Variants in AHCYL2 observed in about 807,000 individuals in gnomAD.
AHCYL2 encodes the protein adenosylhomocysteinase like 2.
A neutral mutation model predicts 81.4 loss-of-function variants in AHCYL2; 28 were observed. The ratio of observed to expected loss-of-function variants is 0.34; its 90% CI spans 0.25 to 0.47. The LOEUF is 0.47. Among genes scored for constraint, AHCYL2 ranks in the 20% least tolerant of loss-of-function variants. The pLI, the probability that AHCYL2 is intolerant of heterozygous loss-of-function variation, is 1.00. For synonymous variants in AHCYL2, 272 were observed against 290.2 expected (o/e 0.94, Z 0.64); for missense variants, 551 against 785.1 (o/e 0.70, Z 3.56).
chr7:129,265,692 A>T (rs1178918806), intron 1 of AHCYL2, among the ~76,000 whole-genome samples: 1 of 152,202 alleles, frequency 6.6e-6, no homozygotes, highest in Non-Finnish European at 1.5e-5. Context: ...TTATGCTTTA[A>T]CTTTTGCTTT....
chr7:129,370,466 G>A (rs35886223), intron 1 of AHCYL2, among the ~76,000 whole-genome samples: 47,323 of 152,092 alleles, frequency 0.31, 7,795 homozygotes, highest in African/African-American at 0.33. Flanking sequence ...GGGGAGGCCA[G>A]GGCGGGCAGA....
At chr7:129,340,327 G>A (rs1793128799) in intron 1 of AHCYL2, among the ~76,000 whole-genome samples, 1 of 150,764 alleles carries the variant, frequency 6.6e-6, no homozygotes, top group African/African-American at 2.4e-5. Context: ...CAGCTCTTTG[G>A]GAGGCCAAGA....
chr7:129,339,268 T>C (rs1372067879), intron 1 of AHCYL2, among the ~76,000 whole-genome samples: 2 of 152,224 alleles, frequency 1.3e-5, no homozygotes, highest in Admixed American at 1.3e-4. Flanking sequence ...AGTGCAATCT[T>C]GGTGCAGTCA....
intron 1 of AHCYL2, among the ~76,000 whole-genome samples, chr7:129,294,179 A>G (rs887111146): frequency 9.9e-5 from 15 of 152,136 alleles, no homozygotes; most frequent in Non-Finnish European, 2.1e-4. Context: ...CCTATGATGA[A>G]TGTTATTTAT....
intron 8 of AHCYL2, chr7:129,405,417 C>T (rs372028925): frequency 1.2e-4 from 44 of 382,476 alleles, no homozygotes; most frequent in African/African-American, 8.5e-4. Flanking sequence ...ATTATATTTT[C>T]AAAATATTAT....
rs549518720 is a variant in AHCYL2, at chr7:129,293,877, T to G, written c.363+68438T>G. On this transcript the variant is annotated intron_variant, in intron 1 of 16. Coordinates refer to ENST00000325006, the MANE Select transcript of AHCYL2 (RefSeq NM_015328.4). ...TTGTATATAGTATTGAGATTAAGAC[T>G]TGGATGTGATTTGTTCCAAACTAAT... Among the ~76,000 whole-genome samples, 4 of 152,310 alleles carry G rather than the reference T, an allele frequency of 2.6e-5. No individual in the cohort carries two copies. In the South Asian group the frequency reaches 8.3e-4, roughly 32 times the overall value.
At position 129,388,437 on chromosome 7, in the gene AHCYL2, C is replaced by G. The variant is rs1584866640; in HGVS notation, c.476-619C>G. On this transcript the variant is annotated intron_variant, in intron 2 of 16. Coordinates refer to ENST00000325006, the MANE Select transcript of AHCYL2 (RefSeq NM_015328.4). ...AGGATTTATTCACTTCTTTGGGAGT[C>G]TAAAATGCCTAACGCCAGACCTACT... Among the ~76,000 whole-genome samples the G allele has an allele frequency of 3.3e-5, 5 of 152,274 alleles. No individual in the cohort carries two copies. The South Asian group carries it at 1.0e-3, about 32-fold the overall frequency.
At chr7:129,379,073 G>A (rs1367760538) in intron 1 of AHCYL2, among the ~76,000 whole-genome samples, 1 of 152,054 alleles carries the variant, frequency 6.6e-6, no homozygotes, top group African/African-American at 2.4e-5. Flanking sequence ...TTGAGGTCAG[G>A]AGTTCGAGAC....
In AHCYL2 at chr7:129,260,667, G is replaced by A. The variant is rs117813947; in HGVS notation, c.363+35228G>A. 4.1e-3 allele frequency among the ~76,000 whole-genome samples: 630 copies of A among 152,152 alleles called. 2 individuals carry two copies. Among genetic ancestry groups the A allele is most frequent in the Non-Finnish European group, 7.6e-3 (514 of 68,010 alleles). On this transcript the variant is annotated intron_variant, in intron 1 of 16. Transcript: ENST00000325006. ...TGTTTCAATTTTCTTCCTTGTTCAG[G>A]TCACTGTACTGTTATTTTATTACCT...
chr7:129,325,308 A>C (rs1269780968), intron 1 of AHCYL2, among the ~76,000 whole-genome samples: 2 of 152,158 alleles, frequency 1.3e-5, no homozygotes, highest in Non-Finnish European at 2.9e-5. Flanking sequence ...ATATTAGGTT[A>C]ACAGGGTTTT....
At chr7:129,252,641 C>T (rs1205831108) in intron 1 of AHCYL2, among the ~76,000 whole-genome samples, 1 of 152,154 alleles carries the variant, frequency 6.6e-6, no homozygotes, top group Non-Finnish European at 1.5e-5. Flanking sequence ...GTGGCACATG[C>T]CTGTAATCCC....
At position 129,423,054 on chromosome 7, in the gene AHCYL2, C is replaced by A. The variant is rs1797189992; in HGVS notation, c.1560+116C>A. 9.5e-6 allele frequency: 7 copies of A among 737,872 alleles called. No individual in the cohort carries two copies. The East Asian group carries it at 1.4e-4, about 15-fold the overall frequency. 45.7% of individuals were successfully genotyped at this position (737,872 alleles called of 1,614,324 possible). A position where few individuals can be genotyped will look rare whatever the true frequency, so the allele number is the denominator to read the frequency against. On this transcript the variant is annotated intron_variant, in intron 13 of 16. Transcript: ENST00000325006. Reference sequence around the variant, plus strand: ...ACTCCTCTGTTAAGCACAAGTTTGACTACTTTCCCAATGGATTTTACTTCT... The same window carrying A: ...ACTCCTCTGTTAAGCACAAGTTTGAATACTTTCCCAATGGATTTTACTTCT...
chr7:129,314,040 T>C (rs1411322373), intron 1 of AHCYL2, among the ~76,000 whole-genome samples: 2 of 152,224 alleles, frequency 1.3e-5, no homozygotes, highest in Non-Finnish European at 1.5e-5. Context: ...AGATAAATTA[T>C]GCCCATGGAC....
At chr7:129,280,579 C>T (rs988013653) in intron 1 of AHCYL2, among the ~76,000 whole-genome samples, 3 of 152,114 alleles carry the variant, frequency 2.0e-5, no homozygotes, top group Middle Eastern at 3.2e-3. Context: ...TTTTACGACT[C>T]GCTTTCTAGT....
intron 1 of AHCYL2, chr7:129,375,836 C>T (rs778288658): frequency 6.5e-7 from 1 of 1,535,530 alleles, no homozygotes; most frequent in Non-Finnish European, 8.7e-7. Context: ...GGTCCCTGGA[C>T]CACAGAGGTG....
chr7:129,384,763 T>C (rs1306083270), intron 2 of AHCYL2, among the ~76,000 whole-genome samples: 1 of 152,222 alleles, frequency 6.6e-6, no homozygotes, highest in East Asian at 1.9e-4. Context: ...AATGATTTTA[T>C]AGACTTTTCT....
At chr7:129,369,407 G>A (rs937061300) in intron 1 of AHCYL2, among the ~76,000 whole-genome samples, 2 of 152,094 alleles carry the variant, frequency 1.3e-5, no homozygotes, top group African/African-American at 4.8e-5. Context: ...AATAACTATT[G>A]ATAATGAGAT....
intron 1 of AHCYL2, among the ~76,000 whole-genome samples, chr7:129,265,227 G>A (rs1795774457): frequency 6.6e-6 from 1 of 152,184 alleles, no homozygotes; most frequent in Non-Finnish European, 1.5e-5. Context: ...TAAGATGACT[G>A]CTGGAGCTCA....
intron 1 of AHCYL2, among the ~76,000 whole-genome samples, chr7:129,354,040 C>G (rs532246068): frequency 6.6e-6 from 1 of 152,180 alleles, no homozygotes; most frequent in South Asian, 2.1e-4. Context: ...GTAACCATGG[C>G]ATGAATAATT....
Sources: allele counts gnomAD v4.1 joint callset (sites outside exome capture counted in the v4.1 genomes callset), GRCh38; gene constraint gnomAD v4.1.1; transcripts MANE v1.5; gene names NCBI Gene and HGNC (gene_info 2026-07-23, HGNC 2026-07-21).